The following RGPD3 variants were observed in gnomAD, a reference collection of about 807,000 sequenced individuals.
RGPD3 encodes ranBP2-like and GRIP domain-containing protein 3.
In RGPD3, 62 loss-of-function variants were observed where a neutral mutation model predicts 154.5. The ratio of observed to expected loss-of-function variants is 0.40; its 90% CI spans 0.33 to 0.50. The LOEUF is 0.50. RGPD3 is among the 20% of genes least tolerant of loss of function. RGPD3 has a pLI of 0.59. For synonymous variants in RGPD3, 308 were observed against 607.0 expected, an observed-to-expected ratio of 0.51 and a Z score of 7.24; for missense variants, 919 against 1,716.8, an observed-to-expected ratio of 0.54 and a Z score of 8.21.
intron 22 of RGPD3, among the ~76,000 whole-genome samples, chr2:106,412,601 G>A (rs778857585): frequency 4.0e-5 from 6 of 151,718 alleles, no homozygotes; most frequent in African/African-American, 9.7e-5. Context: ...AACCACCGGC[G>A]CCTGGCCTAT....
At chr2:106,445,694 AT>A (rs1383812168) in intron 7 of RGPD3, among the ~76,000 whole-genome samples, 1 of 141,940 alleles carries the variant, frequency 7.0e-6, no homozygotes, top group Non-Finnish European at 1.5e-5. Context: ...AAGCAGGAGA[AT>A]CACTTGAACC....
At chr2:106,462,606 C>T (rs1678435792) in intron 1 of RGPD3, among the ~76,000 whole-genome samples, 1 of 152,088 alleles carries the variant, frequency 6.6e-6, no homozygotes, top group South Asian at 2.1e-4. Flanking sequence ...CTATCTTGCA[C>T]AGTAAGATAG....
At chr2:106,428,710 T>C in intron 18 of RGPD3, among the ~76,000 whole-genome samples, 1 of 151,706 alleles carries the variant, frequency 6.6e-6, no homozygotes, top group East Asian at 1.9e-4. Flanking sequence ...AAAAGGGCAC[T>C]ACTACTACCA....
At chr2:106,426,789 T>G (rs1677211074) in intron 18 of RGPD3, among the ~76,000 whole-genome samples, 1 of 152,246 alleles carries the variant, frequency 6.6e-6, no homozygotes, top group Non-Finnish European at 1.5e-5. Flanking sequence ...CAAAAGATCT[T>G]TCATGCCTGT....
At chr2:106,412,321 T>TTTTTTTTTTTTTTTTTTTTTTG (rs1558833076) in intron 22 of RGPD3, among the ~76,000 whole-genome samples, 1 of 99,978 alleles carries the variant, frequency 1.0e-5, no homozygotes, top group Non-Finnish European at 2.1e-5. Flanking sequence ...TTTTTTTTTT[T>TTTTTTTTTTTTTTTTTTTTTTG]TTTTTTTTTT....
chr2:106,424,660 C>T lies in RGPD3; in HGVS notation c.3307G>A (p.Glu1103Lys), dbSNP rs763129967. Residue 1103 changes from glutamate to lysine, a missense_variant, in exon 20 of 23, where the codon GAA (glutamate) becomes AAA (lysine). Coordinates refer to ENST00000409886, the MANE Select transcript of RGPD3 (RefSeq NM_001144013.2). ...NGKVRMLMQREQVLKVCANHW... is the reference protein window; with the variant it reads ...NGKVRMLMQRKQVLKVCANHW... ...TTAGCACACACTTTTAGTACTTGTT[C>T]TCTTTGCATCAGCATTCTTACTTTG... is the stretch of plus-strand genomic sequence containing the variant. 6.2e-7 allele frequency: 1 copy of T among 1,611,986 alleles called. No individual in the cohort carries two copies. The highest frequency in any genetic ancestry group is 1.7e-5 in the Admixed American group (1 of 60,004).
At chr2:106,457,232 C>T (rs2580998) in intron 3 of RGPD3, 109 bp from the exon 4 acceptor site, 2 of 1,481,704 alleles carry the variant, frequency 1.3e-6, no homozygotes, top group East Asian at 5.1e-5. Context: ...TCACTCCAAC[C>T]CTTAAAAAAT....
intron 7 of RGPD3, among the ~76,000 whole-genome samples, chr2:106,445,004 TAAG>T (rs1677863124): frequency 7.4e-6 from 1 of 135,380 alleles, no homozygotes; most frequent in Non-Finnish European, 1.6e-5. Context: ...CCATTAAAAA[TAAG>T]AACTATTGGC....
At chr2:106,447,881 G>C (rs1677981807) in intron 6 of RGPD3, among the ~76,000 whole-genome samples, 1 of 151,878 alleles carries the variant, frequency 6.6e-6, no homozygotes, top group African/African-American at 2.4e-5. Flanking sequence ...ATAAATATAA[G>C]ATCAGTGATT....
chr2:106,407,091 G>A (rs1221555695), intron 22 of RGPD3, among the ~76,000 whole-genome samples: 1 of 148,148 alleles, frequency 6.8e-6, no homozygotes, highest in Non-Finnish European at 1.5e-5. Context: ...GGTCTCATCT[G>A]AAGGCTGGAC....
In RGPD3 at chr2:106,424,756, C is replaced by T. The variant is rs1308518643; in HGVS notation, c.3211G>A (p.Asp1071Asn). The T allele has an allele frequency of 6.2e-7, 1 of 1,611,802 alleles. No homozygotes were observed. Among genetic ancestry groups the T allele is most frequent in the African/African-American group, 1.3e-5 (1 of 74,822 alleles). Residue 1071 changes from aspartate to asparagine, a missense_variant, in exon 20 of 23, where the codon GAT becomes AAT. Physicochemically the swap from Asp to Asn is conservative, Grantham distance 23. Transcript: ENST00000409886. Reference protein sequence around the residue: ...YSQGVKLFRFDAEVSQWKERG... With the variant: ...YSQGVKLFRFNAEVSQWKERG... ...TCTTTCCACTGACTTACCTCAGCAT[C>T]AAATCTAAATAGTTTTACCCCCTGT...
In RGPD3 at chr2:106,457,280, C is replaced by A. The variant is rs56077036; in HGVS notation, c.253-157G>T. 0.8 allele frequency among the ~76,000 whole-genome samples: 121,858 copies of A among 151,934 alleles called. 46,237 individuals are homozygous for A. Among genetic ancestry groups the A allele is most frequent in the East Asian group, 1 (5,163 of 5,188 alleles). On this transcript the variant is annotated intron_variant, in intron 3 of 22. Coordinates refer to ENST00000409886, the MANE Select transcript of RGPD3 (RefSeq NM_001144013.2). ...GAAAACATATTACTTCAAAGGTGTT[C>A]AAATAAAAGTGTCTTGGAATTTTCT...
At chr2:106,469,473 G>A (rs1338525351), upstream of RGPD3, among the ~76,000 whole-genome samples, 4 of 152,140 alleles carry the variant, frequency 2.6e-5, no homozygotes, top group Admixed American at 6.5e-5. Flanking sequence ...AAAATTCAAT[G>A]TGGCACATGT....
At chr2:106,466,314 A>G (rs1389998249) in intron 1 of RGPD3, among the ~76,000 whole-genome samples, 1 of 150,984 alleles carries the variant, frequency 6.6e-6, no homozygotes, top group Admixed American at 6.6e-5. Context: ...AGAGCGCGCC[A>G]GGGAGCAGCG....
At chr2:106,469,366 C>T (rs541953605), upstream of RGPD3, among the ~76,000 whole-genome samples, 2 of 151,916 alleles carry the variant, frequency 1.3e-5, no homozygotes, top group East Asian at 3.9e-4. Flanking sequence ...AACCATTTTC[C>T]ATTATAAAAG....
chr2:106,445,833 T>A, intron 7 of RGPD3, among the ~76,000 whole-genome samples: 1 of 85,010 alleles, frequency 1.2e-5, no homozygotes, highest in Non-Finnish European at 2.4e-5. Context: ...TCACTGCCTG[T>A]AATCCCAGCA....
intron 22 of RGPD3, among the ~76,000 whole-genome samples, chr2:106,409,104 A>G (rs1054724480): frequency 6.6e-6 from 1 of 152,146 alleles, no homozygotes; most frequent in African/African-American, 2.4e-5. Context: ...ACAAAACCAG[A>G]GATTATAAAC....
intron 1 of RGPD3, among the ~76,000 whole-genome samples, chr2:106,465,069 G>A (rs900874290): frequency 2.0e-5 from 3 of 151,594 alleles, no homozygotes; most frequent in African/African-American, 7.3e-5. Context: ...TGGAAGACTA[G>A]AAAGATATGA....
chr2:106,450,982 G>C lies in RGPD3; in HGVS notation c.782+1223C>G, dbSNP rs75811428. ...TGTGCGCCTGTGGTCCCAGCTACTC[G>C]GGAGGCTGAGGCAGGAGAATCGCCT... is the stretch of plus-strand genomic sequence containing the variant. On this transcript the variant is annotated intron_variant, in intron 6 of 22. Coordinates refer to ENST00000409886, the MANE Select transcript of RGPD3 (RefSeq NM_001144013.2). Among the ~76,000 whole-genome samples the C allele has an allele frequency of 2.4e-5, 3 of 127,622 alleles. No individual in the cohort carries two copies. In the South Asian group the frequency reaches 8.0e-4, roughly 34 times the overall value. The allele number at this position is 127,622 out of a possible 152,430, so 83.7% of individuals were successfully genotyped here.
Sources: allele counts gnomAD v4.1 joint callset (sites outside exome capture counted in the v4.1 genomes callset), GRCh38; gene constraint gnomAD v4.1.1; transcripts MANE v1.5; gene names NCBI Gene and HGNC (gene_info 2026-07-23, HGNC 2026-07-21).